The following WDR20 variants were observed in gnomAD, a reference collection of about 807,000 sequenced individuals.
WDR20 encodes the protein WD repeat domain 20.
Under a neutral mutation model 38.7 loss-of-function variants are expected in WDR20, and 3 were observed. That is an observed-to-expected ratio of 0.08 (90% CI 0.04 to 0.20). WDR20 has a LOEUF of 0.20. Ranked by LOEUF, WDR20 falls within the 10% of genes least tolerant of loss-of-function variation. The pLI, the probability that WDR20 is intolerant of heterozygous loss-of-function variation, is 1.00. For synonymous variants in WDR20, 298 were observed against 285.6 expected (o/e 1.04, Z -0.44); for missense variants, 559 against 727.7 (o/e 0.77, Z 2.67).
intron 1 of WDR20, among the ~76,000 whole-genome samples, chr14:102,144,508 G>A (rs547947687): frequency 5.9e-5 from 9 of 151,558 alleles, no homozygotes; most frequent in African/African-American, 2.2e-4. Flanking sequence ...GATTGTTTTA[G>A]GATGTAGGAT....
intron 1 of WDR20, among the ~76,000 whole-genome samples, chr14:102,182,161 T>A (rs974424927): frequency 6.6e-6 from 1 of 152,220 alleles, no homozygotes; most frequent in Non-Finnish European, 1.5e-5. Context: ...AGATATGGAT[T>A]CATATTATAA....
intron 2 of WDR20, among the ~76,000 whole-genome samples, chr14:102,204,205 G>C (rs966258515): frequency 3.9e-5 from 6 of 152,112 alleles, no homozygotes; most frequent in Admixed American, 3.9e-4. Flanking sequence ...GCACTGGTTC[G>C]GCTGTGTCTC....
intron 1 of WDR20, among the ~76,000 whole-genome samples, chr14:102,166,000 C>T (rs2152801148): frequency 6.6e-6 from 1 of 151,398 alleles, no homozygotes; most frequent in East Asian, 2.0e-4. Context: ...AAGTGATTTT[C>T]TTTTTTTTAA....
chr14:102,176,807 T>C (rs1771030), intron 1 of WDR20, among the ~76,000 whole-genome samples: 123,028 of 151,794 alleles, frequency 0.81, 50,843 homozygotes, highest in East Asian at 0.97. Context: ...CATCTCGGCT[T>C]ATTGCAAGCT....
At chr14:102,166,499 A>AT (rs1402728688) in intron 1 of WDR20, among the ~76,000 whole-genome samples, 1 of 152,134 alleles carries the variant, frequency 6.6e-6, no homozygotes, top group African/African-American at 2.4e-5. Context: ...TATCATTACT[A>AT]TTTTTATGAC....
At chr14:102,214,901 A>G, downstream of WDR20, 2 of 984,730 alleles carry the variant, frequency 2.0e-6, no homozygotes, top group Non-Finnish European at 2.4e-6. Context: ...TTGCCTTGTC[A>G]CTGTCACAGC....
rs1380059299 is a variant in WDR20 at position 102,207,305 on chromosome 14, A to G, written c.433-1298A>G. ...TCTAATGTTCATGCAGTGAGCTTGCATGGCTCATTAATTTCTTTCCCAGCC... is the reference window on the plus strand; with the variant it reads ...TCTAATGTTCATGCAGTGAGCTTGCGTGGCTCATTAATTTCTTTCCCAGCC... On this transcript the variant is annotated intron_variant, in intron 2 of 2. Transcript: ENST00000342702. This position sits in a 1 kb window ranked among gnomAD's most constrained non-coding sequence, Gnocchi z 5.0. Among the ~76,000 whole-genome samples, 1 of 152,230 alleles carries G rather than the reference A, an allele frequency of 6.6e-6. No individual in the cohort carries two copies. Among genetic ancestry groups the G allele is most frequent in the South Asian group, 2.1e-4 (1 of 4,836 alleles).
chr14:102,202,443 G>C (rs550262589), intron 2 of WDR20, among the ~76,000 whole-genome samples: 1 of 129,942 alleles, frequency 7.7e-6, no homozygotes, highest in East Asian at 2.7e-4. Context: ...GCAGTGGTGC[G>C]ATCTCGGCTC....
chr14:102,198,298 A>T, intron 2 of WDR20: 1 of 339,850 alleles, frequency 2.9e-6, no homozygotes, highest in Non-Finnish European at 5.9e-6. Context: ...TTGTATTTTT[A>T]GTAGAGACGG....
rs35097607 is a variant in WDR20 at position 102,220,719 on chromosome 14, CAAAAAAAAAAAA to C, written c.1693-2104_1693-2093del. Among the ~76,000 whole-genome samples, 12 of 111,686 alleles carry C rather than the reference CAAAAAAAAAAAA, an allele frequency of 1.1e-4. No homozygotes were observed. The South Asian group carries it at 3.6e-3, about 33-fold the overall frequency. The allele number at this position is 111,686 out of a possible 152,430, so 73.3% of individuals were successfully genotyped here. A position where few individuals can be genotyped will look rare whatever the true frequency, so the allele number is the denominator to read the frequency against. On this transcript the variant is annotated intron_variant, in intron 3 of 3. Coordinates refer to the WDR20 transcript ENST00000335263. The surrounding 1 kb of genome is among the most constrained non-coding windows in gnomAD (Gnocchi z 4.2). Reference sequence around the variant, plus strand: ...TGGACAACAAAGTGAGACTCCGTCTCAAAAAAAAAAAAAAAAAAGAAAATATTAAAATTAATG... The same window carrying C: ...TGGACAACAAAGTGAGACTCCGTCTCAAAAAAGAAAATATTAAAATTAATG...
chr14:102,210,392 G>A lies in WDR20; in HGVS notation c.*512G>A, dbSNP rs45508291. 0.026 allele frequency: 25,138 copies of A among 985,414 alleles called. 390 individuals carry two copies. Among genetic ancestry groups the A allele is most frequent in the Non-Finnish European group, 0.028 (23,589 of 829,940 alleles). The allele number at this position is 985,414 out of a possible 1,614,324, so 61.0% of individuals were successfully genotyped here. A position where few individuals can be genotyped will look rare whatever the true frequency, so the allele number is the denominator to read the frequency against. ...TGAAATTTAACTTTAGGAACAAAACGTTTAGCAGGGTTGATTGATATTATT... is the reference window on the plus strand; with the variant it reads ...TGAAATTTAACTTTAGGAACAAAACATTTAGCAGGGTTGATTGATATTATT... On this transcript the variant is annotated 3_prime_UTR_variant, in exon 3 of 3. Transcript: ENST00000342702.
upstream of WDR20, chr14:102,139,669 C>T: frequency 1.5e-6 from 1 of 653,320 alleles, no homozygotes. Context: ...GCAGCCATGC[C>T]GCCCGGAGGC....
chr14:102,174,544 C>T lies in WDR20; in HGVS notation c.250-20394C>T, dbSNP rs545812748. ...AAGCGATTCTCCTGTCTCAGCCTCCCGAGTAGCTGGGACTACAGGCGCCCG... is the reference window on the plus strand; with the variant it reads ...AAGCGATTCTCCTGTCTCAGCCTCCTGAGTAGCTGGGACTACAGGCGCCCG... On this transcript the variant is annotated intron_variant, in intron 1 of 2. Coordinates refer to ENST00000342702, the MANE Select transcript of WDR20 (RefSeq NM_144574.4). 6.2e-4 allele frequency among the ~76,000 whole-genome samples: 94 copies of T among 152,276 alleles called. 1 individual carries two copies. The highest frequency in any genetic ancestry group is 6.1e-3 in the Admixed American group (93 of 15,282).
At chr14:102,173,070 G>A (rs1403723195) in intron 1 of WDR20, among the ~76,000 whole-genome samples, 3 of 151,012 alleles carry the variant, frequency 2.0e-5, no homozygotes, top group Admixed American at 6.6e-5. Context: ...GGGAAGAGGC[G>A]CTCCTCACTT....
chr14:102,140,723 C>G (rs1212286105), intron 1 of WDR20, among the ~76,000 whole-genome samples: 1 of 152,214 alleles, frequency 6.6e-6, no homozygotes. Flanking sequence ...TCCTAGGAGC[C>G]TCTCCTGGTG....
chr14:102,143,362 T>C (rs1386592597), intron 1 of WDR20, among the ~76,000 whole-genome samples: 2 of 120,898 alleles, frequency 1.7e-5, no homozygotes, highest in Non-Finnish European at 3.5e-5. Flanking sequence ...TGTGAGGAGA[T>C]GTAGTTTTGC....
chr14:102,183,926 CT>C (rs1276290355), intron 1 of WDR20, among the ~76,000 whole-genome samples: 7 of 152,340 alleles, frequency 4.6e-5, no homozygotes, highest in Admixed American at 3.3e-4. Context: ...TGTCTCAACA[CT>C]TTCAGAAAGG....
intron 2 of WDR20, among the ~76,000 whole-genome samples, chr14:102,196,388 G>C (rs1394529883): frequency 6.6e-6 from 1 of 152,146 alleles, no homozygotes; most frequent in Non-Finnish European, 1.5e-5. Context: ...ATCTGCAGAA[G>C]TGATTTCTAA....
chr14:102,210,644 T>G, downstream of WDR20: 1 of 582,766 alleles, frequency 1.7e-6, no homozygotes, highest in Non-Finnish European at 2.2e-6. Flanking sequence ...CAGAAGTGCC[T>G]CTTGCCACAT....
Sources: allele counts gnomAD v4.1 joint callset (sites outside exome capture counted in the v4.1 genomes callset), GRCh38; gene constraint gnomAD v4.1.1; non-coding constraint Gnocchi (gnomAD v3.1); transcripts MANE v1.5; gene names NCBI Gene and HGNC (gene_info 2026-07-23, HGNC 2026-07-21).